The following SHC3 variants were observed in gnomAD, a reference collection of about 807,000 sequenced individuals.
SHC3 encodes the protein SHC adaptor protein 3, also known as SHC-transforming protein 3.
SHC3 carries 15 observed loss-of-function variants against 60.4 expected under a neutral mutation model. That is an observed-to-expected ratio of 0.25 (90% CI 0.17 to 0.38). The LOEUF (loss-of-function observed/expected upper bound fraction) is 0.38. Among genes scored for constraint, SHC3 ranks in the 10% least tolerant of loss-of-function variants. The pLI is 1.00. For missense variants in SHC3, 677 were observed against 786.1 expected (o/e 0.86, Z 1.66); for synonymous variants, 294 against 325.9 (o/e 0.90, Z 1.05).
intron 11 of SHC3, among the ~76,000 whole-genome samples, chr9:89,028,638 GAT>G (rs1824413927): frequency 7.0e-6 from 1 of 143,630 alleles, no homozygotes; most frequent in Non-Finnish European, 1.5e-5. Flanking sequence ...TCTCTATATA[GAT>G]ATCTATATAG....
At position 89,178,288 on chromosome 9, in the gene SHC3, T is replaced by C; in HGVS notation, c.173A>G (p.Asp58Gly). 1 of 1,563,622 alleles carries C rather than the reference T, an allele frequency of 6.4e-7. No homozygotes were observed. Among genetic ancestry groups the C allele is most frequent in the Non-Finnish European group, 8.6e-7 (1 of 1,157,282 alleles). The change falls in exon 1 of 12, where the codon GAC becomes GGC. Residue 58 changes from aspartate to glycine, a missense_variant. Coordinates refer to ENST00000375835, the MANE Select transcript of SHC3 (RefSeq NM_016848.6). The surrounding 1 kb of genome is among the most constrained non-coding windows in gnomAD (Gnocchi z 6.9). Reference protein sequence around the residue: ...VSGEALRKAPDDGPGSLGHLL... With the variant: ...VSGEALRKAPGDGPGSLGHLL... ...GTGGCCCAGGCTGCCGGGCCCATCGTCGGGCGCCTTGCGCAGCGCCTCGCC... is the reference window on the plus strand; with the variant it reads ...GTGGCCCAGGCTGCCGGGCCCATCGCCGGGCGCCTTGCGCAGCGCCTCGCC...
intron 11 of SHC3, among the ~76,000 whole-genome samples, chr9:89,015,054 C>A (rs1349655443): frequency 6.6e-6 from 1 of 152,198 alleles, no homozygotes; most frequent in Non-Finnish European, 1.5e-5. Flanking sequence ...AAGGATGTAA[C>A]CTGTTGGGCA....
At chr9:89,021,246 G>A (rs1826196541) in intron 11 of SHC3, among the ~76,000 whole-genome samples, 1 of 152,188 alleles carries the variant, frequency 6.6e-6, no homozygotes, top group Non-Finnish European at 1.5e-5. Flanking sequence ...TAGAGGGGTA[G>A]TCTCCTTCTG....
At chr9:89,152,831 A>T (rs1826563021) in intron 1 of SHC3, among the ~76,000 whole-genome samples, 1 of 152,260 alleles carries the variant, frequency 6.6e-6, no homozygotes, top group African/African-American at 2.4e-5. Flanking sequence ...CCTTGAATTG[A>T]TTTAAAAGAT....
intron 1 of SHC3, among the ~76,000 whole-genome samples, chr9:89,174,202 A>G (rs867843626): frequency 1.8e-4 from 27 of 152,212 alleles, no homozygotes; most frequent in African/African-American, 5.3e-4. Context: ...GACCACCTAT[A>G]AAAGGCAGTA....
intron 4 of SHC3, among the ~76,000 whole-genome samples, chr9:89,072,324 G>A (rs1267801696): frequency 6.6e-6 from 1 of 152,068 alleles, no homozygotes; most frequent in African/African-American, 2.4e-5. Flanking sequence ...CTTCCAGAAG[G>A]AATCTGTCTC....
rs557390576 is a variant in SHC3 at position 89,041,003 on chromosome 9, C to T, written c.1360+1023G>A. On this transcript the variant is annotated intron_variant, in intron 10 of 11. Coordinates refer to ENST00000375835, the MANE Select transcript of SHC3 (RefSeq NM_016848.6). ...AAGTTAGTTAACTTCTAGGATTCTT[C>T]GTTTCCTTCTCTGTAAAATAAAGAT... Among the ~76,000 whole-genome samples, 6 of 152,292 alleles carry T rather than the reference C, an allele frequency of 3.9e-5. No individual in the cohort carries two copies. In the South Asian group the frequency reaches 1.2e-3, roughly 32 times the overall value.
At chr9:89,158,536 G>C (rs1290834059) in intron 1 of SHC3, among the ~76,000 whole-genome samples, 1 of 152,054 alleles carries the variant, frequency 6.6e-6, no homozygotes, top group Non-Finnish European at 1.5e-5. Flanking sequence ...AGATCCTGTT[G>C]GTTGATTATT....
chr9:89,063,539 C>T (rs1253416682), intron 6 of SHC3, among the ~76,000 whole-genome samples: 13 of 152,160 alleles, frequency 8.5e-5, no homozygotes, highest in African/African-American at 2.9e-4. Flanking sequence ...ATACAGAAAG[C>T]CCTACTTCCC....
At chr9:89,101,232 T>G (rs996556228) in intron 2 of SHC3, among the ~76,000 whole-genome samples, 1 of 152,208 alleles carries the variant, frequency 6.6e-6, no homozygotes, top group Admixed American at 6.5e-5. Flanking sequence ...TACATAGAAA[T>G]GCAATTGATA....
At chr9:89,146,547 T>C (rs547970544) in intron 1 of SHC3, among the ~76,000 whole-genome samples, 7 of 152,192 alleles carry the variant, frequency 4.6e-5, no homozygotes, top group Non-Finnish European at 1.0e-4. Flanking sequence ...TGTTTTAATA[T>C]AGGAATAGAC....
Position 89,042,029 on chromosome 9 carries a change from T to C in SHC3, c.1357A>G (p.Met453Val). 1 of 1,613,820 alleles carries C rather than the reference T, an allele frequency of 6.2e-7. No individual in the cohort carries two copies. The highest frequency in any genetic ancestry group is 1.1e-5 in the South Asian group (1 of 91,024). ...CCAGAGACAAACAGAAACCCACTCA[T>C]GTCAAAGAGGTCTTTCCTTGGGCTG... is the stretch of plus-strand genomic sequence containing the variant. ...ESSPRKDLFD[M>V]KPFEDALKNQ... Residue 453 changes from methionine to valine, a missense_variant, in exon 10 of 12, where the codon ATG becomes GTG. By Grantham distance (21) the Met-to-Val change is conservative (BLOSUM62 1). Coordinates refer to ENST00000375835, the MANE Select transcript of SHC3 (RefSeq NM_016848.6).
intron 1 of SHC3, among the ~76,000 whole-genome samples, chr9:89,155,884 T>C (rs1374909623): frequency 1.3e-5 from 2 of 152,204 alleles, no homozygotes; most frequent in African/African-American, 4.8e-5. Context: ...TTGTCCCTAT[T>C]AAGCTTTTAA....
At chr9:89,047,273 C>G (rs949688368) in intron 7 of SHC3, among the ~76,000 whole-genome samples, 2 of 152,266 alleles carry the variant, frequency 1.3e-5, no homozygotes, top group African/African-American at 4.8e-5. Flanking sequence ...CTAAGGATAG[C>G]CAGCTCCTCA....
intron 2 of SHC3, among the ~76,000 whole-genome samples, chr9:89,098,130 G>T (rs1431157974): frequency 6.6e-6 from 1 of 152,136 alleles, no homozygotes; most frequent in Non-Finnish European, 1.5e-5. Context: ...GACAGCAATA[G>T]GCAAATTAAA....
At chr9:89,117,250 G>A (rs1454522959) in intron 1 of SHC3, among the ~76,000 whole-genome samples, 2 of 152,162 alleles carry the variant, frequency 1.3e-5, no homozygotes, top group African/African-American at 4.8e-5. Flanking sequence ...AAGATGTGCA[G>A]CAATTTGTCC....
At position 89,009,603 on chromosome 9, in the gene SHC3, C is replaced by G. The variant is rs754407888; in HGVS notation, c.*3844G>C. ...TATAGCCCTGCAGTGTAGAGCACGC[C>G]AAGGCTCAGAGAAATCCAGCAACCC... On this transcript the variant is annotated 3_prime_UTR_variant, in exon 12 of 12. Coordinates refer to ENST00000375835, the MANE Select transcript of SHC3 (RefSeq NM_016848.6). The G allele has an allele frequency of 6.7e-6, 1 of 150,374 alleles. No homozygotes were observed. Among genetic ancestry groups the G allele is most frequent in the Non-Finnish European group, 1.5e-5 (1 of 67,356 alleles). 9.3% of individuals were successfully genotyped at this position (150,374 alleles called of 1,614,324 possible).
chr9:89,082,729 A>G (rs1401579357), intron 2 of SHC3, among the ~76,000 whole-genome samples: 1 of 152,090 alleles, frequency 6.6e-6, no homozygotes, highest in Non-Finnish European at 1.5e-5. Flanking sequence ...GAGTCCTCCT[A>G]TGCCCCACGG....
At chr9:89,064,382 C>T (rs1057098430) in intron 6 of SHC3, among the ~76,000 whole-genome samples, 1 of 152,276 alleles carries the variant, frequency 6.6e-6, no homozygotes, top group African/African-American at 2.4e-5. Flanking sequence ...GGTGAGGCAG[C>T]CACGGGACAT....
Sources: gnomAD v4.1 joint callset for allele counts (sites outside exome capture counted in the v4.1 genomes callset) on GRCh38, gnomAD v4.1.1 for gene constraint, Gnocchi (gnomAD v3.1) non-coding constraint, MANE v1.5 for transcripts, NCBI Gene and HGNC (gene_info 2026-07-23, HGNC 2026-07-21) for gene names.